The following HIVEP3 variants were observed in gnomAD, a reference collection of about 807,000 sequenced individuals.
HIVEP3 encodes the protein HIVEP zinc finger 3, also known as transcription factor HIVEP3.
A neutral mutation model predicts 152.8 loss-of-function variants in HIVEP3; 49 were observed. The ratio of observed to expected loss-of-function variants is 0.32; its 90% CI spans 0.26 to 0.41. The LOEUF (loss-of-function observed/expected upper bound fraction) is 0.41. Among genes scored for constraint, HIVEP3 ranks in the 10% least tolerant of loss-of-function variants. The probability of loss-of-function intolerance (pLI) is 1.00; values close to 1 mark genes in which losing one functional copy is unlikely to be tolerated. For missense variants in HIVEP3, 2,790 were observed against 3,103.3 expected, an observed-to-expected ratio of 0.90 and a Z score of 2.40; for synonymous variants, 1,269 against 1,289.0, an observed-to-expected ratio of 0.98 and a Z score of 0.33.
intron 4 of HIVEP3, among the ~76,000 whole-genome samples, chr1:41,578,274 AAGTTAGC>A (rs1644354846): frequency 6.6e-6 from 1 of 152,228 alleles, no homozygotes; most frequent in African/African-American, 2.4e-5. Flanking sequence ...GGTATCCAAA[AAGTTAGC>A]AGTATGAATA....
At position 41,781,970 on chromosome 1, in the gene HIVEP3, A is replaced by G. The variant is rs534915927; in HGVS notation, c.-800-80975T>C. Among the ~76,000 whole-genome samples the G allele has an allele frequency of 5.9e-5, 9 of 152,338 alleles. No homozygotes were observed. In the East Asian group the frequency reaches 1.7e-3, roughly 29 times the overall value. On this transcript the variant is annotated intron_variant, in intron 1 of 8. Coordinates refer to ENST00000372583, the MANE Select transcript of HIVEP3 (RefSeq NM_024503.5). Reference sequence around the variant, plus strand: ...CCCATACCAGAAACCCCTCAAAAGCAAAGAATGTTCTAGGCACTGGGAAAT... The same window carrying G: ...CCCATACCAGAAACCCCTCAAAAGCGAAGAATGTTCTAGGCACTGGGAAAT...
chr1:41,851,556 C>T (rs887637339), intron 1 of HIVEP3, among the ~76,000 whole-genome samples: 3 of 152,030 alleles, frequency 2.0e-5, no homozygotes, highest in Non-Finnish European at 4.4e-5. Context: ...CAGCCTCGGC[C>T]TCCCAAAGTG....
intron 2 of HIVEP3, among the ~76,000 whole-genome samples, chr1:41,648,612 T>C (rs1382870347): frequency 6.6e-6 from 1 of 152,252 alleles, no homozygotes; most frequent in South Asian, 2.1e-4. Flanking sequence ...TCTCTTTGTA[T>C]GTATTGGGAT....
chr1:41,873,233 C>T lies in HIVEP3; in HGVS notation c.-801+45180G>A, dbSNP rs528994399. Among the ~76,000 whole-genome samples the T allele has an allele frequency of 1.2e-4, 19 of 152,298 alleles. No homozygotes were observed. The South Asian group carries it at 3.1e-3, about 25-fold the overall frequency. On this transcript the variant is annotated intron_variant, in intron 1 of 8. Coordinates refer to ENST00000372583, the MANE Select transcript of HIVEP3 (RefSeq NM_024503.5). The surrounding 1 kb of genome is among the most constrained non-coding windows in gnomAD (Gnocchi z 4.2). ...ACCTTCAGTGGACGTGCAGCCCCTT[C>T]GGTGCTCCTCTCTTCATCTGCCTTC... is the stretch of plus-strand genomic sequence containing the variant.
intron 1 of HIVEP3, 116 bp from the exon 2 acceptor site, chr1:41,701,111 G>A (rs41269479): frequency 0.27 from 64,223 of 240,472 alleles, 9,102 homozygotes; most frequent in South Asian, 0.43. Flanking sequence ...GCAAAGCCCC[G>A]GCCACTACCC....
intron 1 of HIVEP3, among the ~76,000 whole-genome samples, chr1:41,739,226 A>G (rs987860163): frequency 6.6e-6 from 1 of 152,178 alleles, no homozygotes; most frequent in Non-Finnish European, 1.5e-5. Flanking sequence ...TCAACATCTC[A>G]AGCTGGAGGT....
intron 5 of HIVEP3, among the ~76,000 whole-genome samples, chr1:41,573,012 C>T (rs1051012033): frequency 6.6e-6 from 1 of 152,234 alleles, no homozygotes; most frequent in Non-Finnish European, 1.5e-5. Flanking sequence ...TAAATGTGAG[C>T]AGAAGCTTCT....
intron 1 of HIVEP3, among the ~76,000 whole-genome samples, chr1:41,998,415 G>T (rs1386083018): frequency 6.6e-6 from 1 of 152,092 alleles, no homozygotes; most frequent in Non-Finnish European, 1.5e-5. Context: ...ATCAAATGAG[G>T]GGTGAAAATT....
chr1:41,959,226 G>A (rs2124496393), intron 1 of HIVEP3, among the ~76,000 whole-genome samples: 1 of 152,296 alleles, frequency 6.6e-6, no homozygotes, highest in Non-Finnish European at 1.5e-5. Flanking sequence ...CATCCTTAGA[G>A]GAGACCAACT....
intron 1 of HIVEP3, among the ~76,000 whole-genome samples, chr1:42,028,669 T>C (rs1303559590): frequency 6.6e-6 from 1 of 152,204 alleles, no homozygotes; most frequent in Non-Finnish European, 1.5e-5. Flanking sequence ...CAAGTATAGT[T>C]ACCCTCCCCA....
chr1:41,950,980 C>T (rs1452042228), intron 1 of HIVEP3, among the ~76,000 whole-genome samples: 1 of 152,180 alleles, frequency 6.6e-6, no homozygotes, highest in Non-Finnish European at 1.5e-5. Context: ...TAGTCAGTCA[C>T]CATTCTAACC....
chr1:41,527,788 G>A (rs1199645885), intron 5 of HIVEP3, among the ~76,000 whole-genome samples: 21 of 77,642 alleles, frequency 2.7e-4, no homozygotes, highest in African/African-American at 8.9e-4. Context: ...ACTCACACTC[G>A]TTCTCACACT....
intron 1 of HIVEP3, among the ~76,000 whole-genome samples, chr1:41,867,960 T>C (rs710230): frequency 0.95 from 140,859 of 148,190 alleles, 66,963 homozygotes; most frequent in East Asian, 1. Flanking sequence ...CCAGAGGCTT[T>C]CCATCTCACT....
chr1:41,798,566 C>T (rs528985205), intron 1 of HIVEP3, among the ~76,000 whole-genome samples: 1 of 152,318 alleles, frequency 6.6e-6, no homozygotes, highest in Non-Finnish European at 1.5e-5. Flanking sequence ...CAAGCTTGGT[C>T]TTTTCTCCAA....
At chr1:41,865,276 A>G (rs1643947604) in intron 1 of HIVEP3, among the ~76,000 whole-genome samples, 1 of 152,242 alleles carries the variant, frequency 6.6e-6, no homozygotes, top group South Asian at 2.1e-4. Context: ...GACAGACAGG[A>G]GATCTGGTCC....
intron 3 of HIVEP3, among the ~76,000 whole-genome samples, chr1:41,597,448 A>G: frequency 6.6e-6 from 1 of 152,216 alleles, no homozygotes; most frequent in East Asian, 1.9e-4. Flanking sequence ...GAGCAAATGA[A>G]CTCTGACTAT....
intron 1 of HIVEP3, among the ~76,000 whole-genome samples, chr1:41,751,571 T>C (rs369303204): frequency 6.6e-6 from 1 of 152,064 alleles, no homozygotes; most frequent in South Asian, 2.1e-4. Flanking sequence ...TGACATCACA[T>C]GAGGCCCCAC....
intron 2 of HIVEP3, among the ~76,000 whole-genome samples, chr1:41,655,685 C>T (rs1345689237): frequency 6.6e-6 from 1 of 151,462 alleles, no homozygotes; most frequent in Admixed American, 6.6e-5. Context: ...CTTCATGCTT[C>T]TCCATGGCAC....
At chr1:41,883,571 A>G (rs1421779669) in intron 1 of HIVEP3, among the ~76,000 whole-genome samples, 2 of 152,228 alleles carry the variant, frequency 1.3e-5, no homozygotes, top group South Asian at 2.1e-4. Flanking sequence ...GGTACACCTG[A>G]CAGCAGAACC....
Sources: gnomAD v4.1 joint callset for allele counts (sites outside exome capture counted in the v4.1 genomes callset) on GRCh38, gnomAD v4.1.1 for gene constraint, Gnocchi (gnomAD v3.1) non-coding constraint, MANE v1.5 for transcripts, NCBI Gene and HGNC (gene_info 2026-07-23, HGNC 2026-07-21) for gene names.